TBC1D14: variants seen among roughly 807,000 people sequenced by gnomAD.
TBC1D14 encodes TBC1 domain family member 14, also known as TBC1 domain family, member 14.
TBC1D14 carries 26 observed loss-of-function variants against 79.0 expected under a neutral mutation model. That is an observed-to-expected ratio of 0.33 (90% CI 0.24 to 0.46). TBC1D14 has a LOEUF of 0.46. Ranked by LOEUF, TBC1D14 falls within the 20% of genes least tolerant of loss-of-function variation. TBC1D14 has a pLI of 1.00. For synonymous variants in TBC1D14, 394 were observed against 349.9 expected (o/e 1.13, Z -1.40); for missense variants, 769 against 887.6 (o/e 0.87, Z 1.70).
chr4:7,025,403 G>A, intron 13 of TBC1D14, 141 bp downstream of exon 13: 1 of 1,375,486 alleles, frequency 7.3e-7, no homozygotes, highest in Non-Finnish European at 9.7e-7. Context: ...GGGCCGGGTG[G>A]AGACGTGGCT....
chr4:6,912,259 C>T (rs746963364), intron 1 of TBC1D14, among the ~76,000 whole-genome samples: 23 of 151,476 alleles, frequency 1.5e-4, no homozygotes, highest in Admixed American at 1.3e-3. Flanking sequence ...TGTGGTGGTG[C>T]GTGCCAGCTA....
At chr4:7,011,912 T>G (rs1183669330) in intron 11 of TBC1D14, among the ~76,000 whole-genome samples, 1 of 152,132 alleles carries the variant, frequency 6.6e-6, no homozygotes, top group East Asian at 1.9e-4. Context: ...TAAAATGATC[T>G]AATACTTTAG....
At chr4:7,024,916 G>T (rs1722194512) in intron 12 of TBC1D14, 88 bp from the exon 13 acceptor site, 13 of 1,558,628 alleles carry the variant, frequency 8.3e-6, no homozygotes, top group Non-Finnish European at 1.1e-5. Flanking sequence ...CTAGGGGAGT[G>T]TTTTTCATGG....
At chr4:6,954,408 G>A in intron 2 of TBC1D14, 1 of 717,276 alleles carries the variant, frequency 1.4e-6, no homozygotes. Flanking sequence ...AGTCTTTCCT[G>A]CGTGTAGCTT....
At position 7,030,471 on chromosome 4, in the gene TBC1D14, G is replaced by C. The variant is rs1722947223; in HGVS notation, c.*79G>C. On this transcript the variant is annotated 3_prime_UTR_variant, in exon 14 of 14. Coordinates refer to ENST00000409757, the MANE Select transcript of TBC1D14 (RefSeq NM_020773.3). ...CTCTGTTGTTTCAGACTGACACCCG[G>C]GCAGCCGAGAAGAACAGACGCTCTT... is the stretch of plus-strand genomic sequence containing the variant. The C allele has an allele frequency of 6.8e-7, 1 of 1,469,270 alleles. No individual in the cohort carries two copies. Among genetic ancestry groups the C allele is most frequent in the Non-Finnish European group, 9.5e-7 (1 of 1,054,508 alleles). The allele number at this position is 1,469,270 out of a possible 1,614,324, so 91.0% of individuals were successfully genotyped here.
upstream of TBC1D14, among the ~76,000 whole-genome samples, chr4:6,909,668 C>A (rs529923499): frequency 6.6e-6 from 1 of 151,416 alleles, no homozygotes; most frequent in Admixed American, 6.6e-5. Context: ...GACAGCCGGG[C>A]GAGCGCCGAG....
In TBC1D14 at chr4:6,975,671, A is replaced by G. The variant is rs147703485; in HGVS notation, c.843+8247A>G. ...AAGTATCAGTAAAGGAAAAGAAACT[A>G]TAAAAAGAATTAAGTGGAAATTTTG... On this transcript the variant is annotated intron_variant, in intron 3 of 13. Transcript: ENST00000409757. Among the ~76,000 whole-genome samples, 8 of 152,400 alleles carry G rather than the reference A, an allele frequency of 5.2e-5. No homozygotes were observed. The South Asian group carries it at 6.2e-4, about 12-fold the overall frequency.
chr4:7,009,187 G>A (rs1431903593), intron 9 of TBC1D14, among the ~76,000 whole-genome samples: 1 of 152,218 alleles, frequency 6.6e-6, no homozygotes, highest in Non-Finnish European at 1.5e-5. Context: ...GACAGTAAGT[G>A]TTTGGGACTG....
rs1393487814 is a variant in TBC1D14, at chr4:7,010,641, C to G, written c.1519-12C>G. On this transcript the variant is annotated splice_polypyrimidine_tract_variant and intron_variant, in intron 10 of 13. Transcript: ENST00000409757. ...CACTGTGATTTTAACGTGCCTTTCT[C>G]TCCTCTCTCAGGTCCAGGGCATGTC... is the stretch of plus-strand genomic sequence containing the variant. 5 of 1,608,624 alleles carry G rather than the reference C, an allele frequency of 3.1e-6. No homozygotes were observed. In the Admixed American group the frequency reaches 6.8e-5, roughly 22 times the overall value.
intron 3 of TBC1D14, 128 bp downstream of exon 3, chr4:6,967,552 C>T (rs1226959662): frequency 1.6e-6 from 2 of 1,227,012 alleles, no homozygotes; most frequent in Non-Finnish European, 2.2e-6. Context: ...ATACCACGTT[C>T]CTCAGATTTA....
intron 3 of TBC1D14, among the ~76,000 whole-genome samples, chr4:6,986,915 C>A (rs770698474): frequency 2.0e-5 from 3 of 152,252 alleles, no homozygotes; most frequent in Admixed American, 1.3e-4. Flanking sequence ...TCACAATCAC[C>A]CCGCCACCCA....
chr4:7,019,626 G>A (rs1006832124), intron 12 of TBC1D14, among the ~76,000 whole-genome samples: 1 of 152,228 alleles, frequency 6.6e-6, no homozygotes, highest in African/African-American at 2.4e-5. Context: ...ATTCTCATGC[G>A]GTGCTCATGA....
At chr4:6,971,324 C>T (rs1489480207) in intron 3 of TBC1D14, among the ~76,000 whole-genome samples, 2 of 152,220 alleles carry the variant, frequency 1.3e-5, no homozygotes, top group Non-Finnish European at 2.9e-5. Context: ...AGTCGCCCGG[C>T]GTTACTAGTC....
intron 13 of TBC1D14, among the ~76,000 whole-genome samples, chr4:7,027,133 C>T (rs1458067890): frequency 6.6e-6 from 1 of 151,990 alleles, no homozygotes; most frequent in Non-Finnish European, 1.5e-5. Flanking sequence ...ATTGCTAGAA[C>T]CTGGGTGGCA....
chr4:6,982,821 G>A (rs956590728), intron 3 of TBC1D14, among the ~76,000 whole-genome samples: 4 of 152,182 alleles, frequency 2.6e-5, no homozygotes, highest in African/African-American at 4.8e-5. Flanking sequence ...TATTTGTATA[G>A]TGTGGTCTAT....
intron 11 of TBC1D14, 63 bp from the exon 12 acceptor site, chr4:7,014,385 C>CT (rs1553873246): frequency 1.8e-6 from 2 of 1,134,856 alleles, no homozygotes; most frequent in Non-Finnish European, 2.6e-6. Context: ...CATATATTGA[C>CT]TTTTTTGTAA....
intron 13 of TBC1D14, among the ~76,000 whole-genome samples, chr4:7,027,766 A>G (rs1722590593): frequency 7.5e-6 from 1 of 133,520 alleles, no homozygotes; most frequent in African/African-American, 2.8e-5. Flanking sequence ...ATCACCCCAC[A>G]CACATCACAC....
chr4:6,993,209 A>G (rs1718681875), intron 3 of TBC1D14, among the ~76,000 whole-genome samples: 1 of 152,224 alleles, frequency 6.6e-6, no homozygotes, highest in African/African-American at 2.4e-5. Flanking sequence ...TCTTCCCTTC[A>G]GGGGCATTCC....
At chr4:6,992,726 G>C (rs745344774) in intron 3 of TBC1D14, among the ~76,000 whole-genome samples, 1 of 152,214 alleles carries the variant, frequency 6.6e-6, no homozygotes, top group Non-Finnish European at 1.5e-5. Context: ...TGACATTCAG[G>C]TGCTAGACTT....
Sources: gnomAD v4.1 joint callset for allele counts (sites outside exome capture counted in the v4.1 genomes callset) on GRCh38, gnomAD v4.1.1 for gene constraint, MANE v1.5 for transcripts, NCBI Gene and HGNC (gene_info 2026-07-23, HGNC 2026-07-21) for gene names.